NKAP: variants seen among roughly 807,000 people sequenced by gnomAD.
NKAP encodes NFKB activating protein.
Under a neutral mutation model 35.6 loss-of-function variants are expected in NKAP, and 4 were observed. That is an observed-to-expected ratio of 0.11 (90% CI 0.06 to 0.26). NKAP has a LOEUF of 0.26. Ranked by LOEUF, NKAP falls within the 10% of genes least tolerant of loss-of-function variation. The pLI is 1.00. For missense variants in NKAP, 238 were observed against 321.9 expected, an observed-to-expected ratio of 0.74 and a Z score of 1.99; for synonymous variants, 106 against 119.2, an observed-to-expected ratio of 0.89 and a Z score of 0.72.
intron 8 of NKAP, among the ~76,000 whole-genome samples, chrX:119,926,088 C>T (rs2056711854): frequency 9.9e-6 from 1 of 101,193 alleles, no homozygotes; most frequent in Non-Finnish European, 2.0e-5. Context: ...TCCCCAGTAG[C>T]TGGGACTACA....
intron 8 of NKAP, among the ~76,000 whole-genome samples, chrX:119,928,703 G>C (rs567991180): frequency 9.0e-6 from 1 of 111,177 alleles, no homozygotes; most frequent in African/African-American, 3.3e-5. Context: ...TGGGACTACA[G>C]GTGTCCGCCA....
At chrX:119,942,553 C>T (rs1281407393) in intron 1 of NKAP, among the ~76,000 whole-genome samples, 1 of 111,647 alleles carries the variant, frequency 9.0e-6, no homozygotes, top group Non-Finnish European at 1.9e-5. Flanking sequence ...TAGTCTCATC[C>T]TGGCGTCATT....
intron 1 of NKAP, among the ~76,000 whole-genome samples, chrX:119,941,002 T>C (rs989901907): frequency 1.8e-5 from 2 of 110,284 alleles, no homozygotes; most frequent in African/African-American, 6.6e-5. Context: ...TAGCTGGGTG[T>C]GGTGGTGCAT....
rs192602347 is a variant in NKAP at position 119,928,567 on chromosome X, G to T, written c.1073+1449C>A. ...TTCACCATGTCATTCACAAAAAAAT[G>T]ACATTTTTTTTTTAAGACGGAGTTT... On this transcript the variant is annotated intron_variant, in intron 8 of 8. Coordinates refer to ENST00000371410, the MANE Select transcript of NKAP (RefSeq NM_024528.4). 2.7e-5 allele frequency among the ~76,000 whole-genome samples: 3 copies of T among 111,007 alleles called. No homozygotes were observed. The East Asian group carries it at 8.4e-4, about 31-fold the overall frequency.
chrX:119,927,448 G>A (rs886402262), intron 8 of NKAP, among the ~76,000 whole-genome samples: 3 of 111,547 alleles, frequency 2.7e-5, no homozygotes, highest in African/African-American at 9.8e-5. Context: ...GGGTTCAAGC[G>A]ATTCTCCTGC....
In NKAP at chrX:119,923,367, A is replaced by G. The variant is rs1288359324; in HGVS notation, c.*1853T>C. 2.7e-5 allele frequency: 3 copies of G among 112,482 alleles called. No homozygotes were observed. The highest frequency in any genetic ancestry group is 9.7e-5 in the African/African-American group (3 of 31,033). 9.3% of individuals were successfully genotyped at this position (112,482 alleles called of 1,213,427 possible). A position where few individuals can be genotyped will look rare whatever the true frequency, so the allele number is the denominator to read the frequency against. On this transcript the variant is annotated 3_prime_UTR_variant, in exon 9 of 9. Transcript: ENST00000371410. ...TCCCACAATTTTCCATTTCTCCCCA[A>G]CTTAAAAACAAACAGAAAGGTTTAA... is the stretch of plus-strand genomic sequence containing the variant.
At chrX:119,941,937 CAT>C (rs2056795531) in intron 1 of NKAP, among the ~76,000 whole-genome samples, 1 of 112,075 alleles carries the variant, frequency 8.9e-6, no homozygotes, top group South Asian at 3.7e-4. Flanking sequence ...CCAAAAAATG[CAT>C]AGTTTTAAGG....
In NKAP at chrX:119,938,740, G is replaced by C; in HGVS notation, c.457C>G (p.Pro153Ala). 7.6e-6 allele frequency: 9 copies of C among 1,187,633 alleles called. No individual in the cohort carries two copies. Among genetic ancestry groups the C allele is most frequent in the Non-Finnish European group, 1.0e-5 (9 of 879,932 alleles). The change falls in exon 2 of 9, where the codon CCT (proline) becomes GCT (alanine). Residue 153 changes from proline (P) to alanine (A), a missense_variant. This residue lies in a region of NKAP where 6 missense variants were observed against 24.6 expected (regional missense o/e 0.24). Coordinates refer to ENST00000371410, the MANE Select transcript of NKAP (RefSeq NM_024528.4). ...PEVWGLSPKNPEPDSDEHTPV... is the reference protein window; with the variant it reads ...PEVWGLSPKNAEPDSDEHTPV... ...TTTTTAACCACTTACTCTGGTTCAG[G>C]ATTCTTTGGAGAAAGTCCCCATACT...
intron 8 of NKAP, among the ~76,000 whole-genome samples, chrX:119,928,524 A>G (rs750216881): frequency 8.9e-6 from 1 of 112,177 alleles, no homozygotes; most frequent in Admixed American, 9.5e-5. Flanking sequence ...GGGATTTTCT[A>G]TGTAAACAAT....
At chrX:119,934,122 T>C (rs1025742638) in intron 5 of NKAP, among the ~76,000 whole-genome samples, 4 of 110,859 alleles carry the variant, frequency 3.6e-5, no homozygotes, top group Non-Finnish European at 1.9e-5. Flanking sequence ...TACTATTTTA[T>C]GTAATTTTAT....
rs2056804422 is a variant in NKAP at position 119,943,507 on chromosome X, A to G, written c.99T>C (p.Ser33=). The change falls in exon 1 of 9, where the codon TCT becomes TCC. Residue 33 remains serine (S), a synonymous_variant. Transcript: ENST00000371410. ...AGCGGCGGCCCCGCGGGGAGCGGGC[A>G]GATTTGCTGGGCTTCGGACTCTTCG... The part of the protein sequence containing the change: ...SSSKSPKPSK[S]ARSPRGRRSR... 3 of 1,211,568 alleles carry G rather than the reference A, an allele frequency of 2.5e-6. No homozygotes were observed. Among genetic ancestry groups the G allele is most frequent in the Non-Finnish European group, 3.4e-6 (3 of 895,293 alleles).
At chrX:119,934,789 GAT>G (rs1315545817) in intron 4 of NKAP, among the ~76,000 whole-genome samples, 3 of 111,020 alleles carry the variant, frequency 2.7e-5, no homozygotes, top group African/African-American at 9.8e-5. Context: ...TATTGTGTGA[GAT>G]AGTGTGGTGG....
chrX:119,937,625 A>AG (rs1411139467), intron 2 of NKAP: 1 of 108,824 alleles, frequency 9.2e-6, no homozygotes, highest in East Asian at 2.8e-4. Flanking sequence ...AAAAAAAAAA[A>AG]AAGAAGAAAG....
intron 5 of NKAP, among the ~76,000 whole-genome samples, chrX:119,933,067 G>C (rs779272500): frequency 1.8e-5 from 2 of 111,284 alleles, no homozygotes; most frequent in Admixed American, 1.9e-4. Flanking sequence ...AGCCTAAAAA[G>C]TCCCAACAAT....
At chrX:119,941,620 G>GTT (rs374993872) in intron 1 of NKAP, among the ~76,000 whole-genome samples, 2 of 108,646 alleles carry the variant, frequency 1.8e-5, no homozygotes, top group African/African-American at 6.7e-5. Context: ...TCTTCTCTTT[G>GTT]TTTTTTTTTG....
Position 119,934,430 on chromosome X carries a change from CAAAAA to C in NKAP, c.737+59_737+63del, listed in dbSNP as rs369386190. ...TGCCTGACAGAGTGAGACTCTGTCT[CAAAAA>C]AAAAAAAAAAAAAAAAAAAAGAAAA... is the stretch of plus-strand genomic sequence containing the variant. On this transcript the variant is annotated intron_variant, in intron 5 of 8. Transcript: ENST00000371410. 1.4e-3 allele frequency: 270 copies of C among 188,250 alleles called. 1 individual carries two copies. The African/African-American group carries it at 0.016, about 11-fold the overall frequency. 15.5% of individuals were successfully genotyped at this position (188,250 alleles called of 1,213,427 possible).
intron 1 of NKAP, among the ~76,000 whole-genome samples, chrX:119,941,786 C>A (rs1288768581): frequency 2.7e-5 from 3 of 111,278 alleles, no homozygotes; most frequent in Middle Eastern, 4.2e-3. Flanking sequence ...CCACCACGCC[C>A]AGCTGATTTT....
chrX:119,943,749 T>A lies in NKAP; in HGVS notation c.-144A>T. 1 of 652,673 alleles carries A rather than the reference T, an allele frequency of 1.5e-6. No individual in the cohort carries two copies. The highest frequency in any genetic ancestry group is 2.2e-6 in the Non-Finnish European group (1 of 462,948). The allele number at this position is 652,673 out of a possible 1,213,427, so 53.8% of individuals were successfully genotyped here. A position where few individuals can be genotyped will look rare whatever the true frequency, so the allele number is the denominator to read the frequency against. ...CCTTGGACACAGTTCTGGGTACTTC[T>A]GCAAAACCCTTCCCCGGATCTAGGC... On this transcript the variant is annotated 5_prime_UTR_variant, in exon 1 of 9. Coordinates refer to ENST00000371410, the MANE Select transcript of NKAP (RefSeq NM_024528.4).
At chrX:119,928,043 C>T (rs1165256789) in intron 8 of NKAP, among the ~76,000 whole-genome samples, 2 of 112,177 alleles carry the variant, frequency 1.8e-5, no homozygotes, top group Non-Finnish European at 3.8e-5. Context: ...AATTTTAGAA[C>T]CAGCTTAATA....
Sources: allele counts gnomAD v4.1 joint callset (sites outside exome capture counted in the v4.1 genomes callset), GRCh38; gene constraint gnomAD v4.1.1; regional missense constraint gnomAD v4.1.1; transcripts MANE v1.5; gene names NCBI Gene and HGNC (gene_info 2026-07-23, HGNC 2026-07-21).